The following PDCD2 variants were observed in gnomAD, a reference collection of about 807,000 sequenced individuals.
PDCD2 encodes uS5 assembly chaperone PDCD2.
In PDCD2, 38 loss-of-function variants were observed where a neutral mutation model predicts 38.1. The observed-to-expected ratio is 1.00, with a 90% CI of 0.77 to 1.31. The LOEUF is 1.31. Among genes scored for constraint, PDCD2 ranks in the 50% most tolerant of loss-of-function variants. The pLI, the probability that PDCD2 is intolerant of heterozygous loss-of-function variation, is 0.00. For missense variants in PDCD2, 473 were observed against 435.7 expected (o/e 1.09, Z -0.76); for synonymous variants, 205 against 168.9 (o/e 1.21, Z -1.66).
At chr6:170,578,472 A>G (rs1337661860) in intron 5 of PDCD2, 1 of 602,118 alleles carries the variant, frequency 1.7e-6, no homozygotes, top group African/African-American at 1.9e-5. Flanking sequence ...AACAGTAAAG[A>G]CTCCTCTCAT....
rs760583517 is a variant in PDCD2 at position 170,583,063 on chromosome 6, T to C, written c.652A>G (p.Ser218Gly). 6.2e-7 allele frequency: 1 copy of C among 1,611,806 alleles called. No homozygotes were observed. Among genetic ancestry groups the C allele is most frequent in the Non-Finnish European group, 8.5e-7 (1 of 1,179,000 alleles). Residue 218 changes from serine (S) to glycine (G), a missense_variant, in exon 3 of 6, where the codon AGC (serine) becomes GGC (glycine). Physicochemically the swap from Ser to Gly is moderately conservative, Grantham distance 56. Coordinates refer to ENST00000541970, the MANE Select transcript of PDCD2 (RefSeq NM_002598.4). Reference sequence around the variant, plus strand: ...AAGTCCTGAAACTGCTTACCCATGCTCCCTATAATCTCTGAGTAATCTTCC... The same window carrying C: ...AAGTCCTGAAACTGCTTACCCATGCCCCCTATAATCTCTGAGTAATCTTCC... ...EKEDYSEIIG[S>G]MGEALEEELD...
At chr6:170,582,391 G>C in intron 3 of PDCD2, 1 of 1,511,522 alleles carries the variant, frequency 6.6e-7, no homozygotes, top group Non-Finnish European at 8.8e-7. Context: ...TAATTTTGTG[G>C]TGGTTTTGTG....
At chr6:170,579,263 G>T in intron 4 of PDCD2, 1 of 290,236 alleles carries the variant, frequency 3.4e-6, no homozygotes, top group South Asian at 8.2e-5. Flanking sequence ...TATTGTGAAG[G>T]GACTAAGAAT....
chr6:170,582,061 T>C, intron 3 of PDCD2: 1 of 1,468,404 alleles, frequency 6.8e-7, no homozygotes, highest in Non-Finnish European at 9.0e-7. Flanking sequence ...ATAAGCATTT[T>C]CATTATGTAT....
intron 4 of PDCD2, 104 bp downstream of exon 4, chr6:170,579,898 C>T (rs1007308403): frequency 1.0e-5 from 7 of 686,104 alleles, no homozygotes; most frequent in South Asian, 5.2e-5. Flanking sequence ...TTTATAGGCT[C>T]CTAAGGAACA....
chr6:170,582,647 C>T (rs1779647415), intron 3 of PDCD2: 4 of 1,222,678 alleles, frequency 3.3e-6, no homozygotes, highest in Non-Finnish European at 4.1e-6. Flanking sequence ...AGAGTATGCA[C>T]TGTAAGTAAA....
Position 170,578,985 on chromosome 6 carries a change from G to C in PDCD2, c.763-15C>G, listed in dbSNP as rs756459083. Reference sequence around the variant, plus strand: ...TATCTAAGAATCTAAAATCAATGAAGATCATGTTCAAATAATCAATACCTT... The same window carrying C: ...TATCTAAGAATCTAAAATCAATGAACATCATGTTCAAATAATCAATACCTT... On this transcript the variant is annotated splice_polypyrimidine_tract_variant and intron_variant, in intron 4 of 5. Coordinates refer to ENST00000541970, the MANE Select transcript of PDCD2 (RefSeq NM_002598.4). 4.8e-6 allele frequency: 7 copies of C among 1,462,106 alleles called. No homozygotes were observed. The highest frequency in any genetic ancestry group is 6.6e-6 in the Non-Finnish European group (7 of 1,060,640). The allele number at this position is 1,462,106 out of a possible 1,614,324, so 90.6% of individuals were successfully genotyped here.
intron 3 of PDCD2, chr6:170,582,434 A>G (rs1165057437): frequency 6.9e-7 from 1 of 1,442,832 alleles, no homozygotes; most frequent in Non-Finnish European, 9.1e-7. Flanking sequence ...AAAATTTAAT[A>G]TTATGTGACC....
At chr6:170,582,629 A>G in intron 3 of PDCD2, 2 of 1,257,246 alleles carry the variant, frequency 1.6e-6, no homozygotes, top group Admixed American at 7.7e-5. Flanking sequence ...CAGCACAAGT[A>G]CTACCCAAGA....
In PDCD2 at chr6:170,576,804, T is replaced by C. The variant is rs1779461128; in HGVS notation, c.*755A>G. ...CCATCGCCTTTTGCCTTTCAGTGTC[T>C]CATCTGTAAGCAGGGCCGCTGGCTG... is the stretch of plus-strand genomic sequence containing the variant. On this transcript the variant is annotated 3_prime_UTR_variant, in exon 6 of 6. Coordinates refer to ENST00000541970, the MANE Select transcript of PDCD2 (RefSeq NM_002598.4). 1.3e-5 allele frequency: 2 copies of C among 152,238 alleles called. No individual in the cohort carries two copies. The highest frequency in any genetic ancestry group is 1.3e-4 in the Admixed American group (2 of 15,282). 9.4% of individuals were successfully genotyped at this position (152,238 alleles called of 1,614,324 possible). A position where few individuals can be genotyped will look rare whatever the true frequency, so the allele number is the denominator to read the frequency against.
intron 5 of PDCD2, 131 bp downstream of exon 5, chr6:170,578,726 G>A: frequency 4.1e-6 from 3 of 728,622 alleles, no homozygotes; most frequent in East Asian, 2.6e-5. Flanking sequence ...GGAAACTGAT[G>A]ATTTTCATTA....
chr6:170,584,452 GCAGCCCGGCCGCGCCCAGC>G lies in PDCD2; in HGVS notation c.111_129del (p.Trp37CysfsTer99). 2 of 1,313,798 alleles carry G rather than the reference GCAGCCCGGCCGCGCCCAGC, an allele frequency of 1.5e-6. No individual in the cohort carries two copies. The highest frequency in any genetic ancestry group is 1.9e-6 in the Non-Finnish European group (2 of 1,038,222). 81.4% of individuals were successfully genotyped at this position (1,313,798 alleles called of 1,614,324 possible). Reference sequence around the variant, plus strand: ...TCGCAGGCCAGGGCCTGGGGCCCCGGCAGCCCGGCCGCGCCCAGCCATGCCGGCCGCCCGCCCACCTTGC... The same window carrying G: ...TCGCAGGCCAGGGCCTGGGGCCCCGGCATGCCGGCCGCCCGCCCACCTTGC... On this transcript the variant is annotated frameshift_variant, in exon 1 of 6. Transcript: ENST00000541970. LOFTEE classifies it high-confidence loss of function.
intron 5 of PDCD2, 114 bp downstream of exon 5, chr6:170,578,743 A>T: frequency 1.3e-6 from 1 of 750,424 alleles, no homozygotes; most frequent in South Asian, 1.4e-5. Context: ...ATTATAGGGT[A>T]CCCTTCCATA....
chr6:170,584,171 G>T, intron 1 of PDCD2, 128 bp downstream of exon 1: 1 of 1,051,924 alleles, frequency 9.5e-7, no homozygotes, highest in Non-Finnish European at 1.2e-6. Flanking sequence ...TCCTGGGGCA[G>T]CGCGGAGAGG....
rs757120048 is a variant in PDCD2 at position 170,579,958 on chromosome 6, T to G, written c.762+44A>C. The stretch of plus-strand genomic sequence containing the variant: ...TCTTACAGATTATACTCATAAAACA[T>G]GGCCTGAAGAGAACACGATGAGGAG... On this transcript the variant is annotated intron_variant, in intron 4 of 5. Transcript: ENST00000541970. 9.4e-6 allele frequency: 9 copies of G among 959,196 alleles called. No individual in the cohort carries two copies. In the African/African-American group the frequency reaches 1.4e-4, roughly 15 times the overall value. The allele number at this position is 959,196 out of a possible 1,614,324, so 59.4% of individuals were successfully genotyped here.
chr6:170,580,638 CTG>C (rs1257087380), intron 3 of PDCD2, among the ~76,000 whole-genome samples: 2 of 152,090 alleles, frequency 1.3e-5, no homozygotes, highest in Non-Finnish European at 2.9e-5. Flanking sequence ...TCACTTGAAC[CTG>C]GGAGGCAGAG....
chr6:170,581,095 TATTCA>T (rs777314659), intron 3 of PDCD2: 2 of 152,212 alleles, frequency 1.3e-5, no homozygotes, highest in Non-Finnish European at 2.9e-5. Flanking sequence ...AGCATTTTTC[TATTCA>T]ATTCTCCTTT....
At chr6:170,582,712 C>G (rs1188518281) in intron 3 of PDCD2, 8 of 1,222,872 alleles carry the variant, frequency 6.5e-6, no homozygotes, top group Non-Finnish European at 8.2e-6. Flanking sequence ...TTTTAAGGGG[C>G]CCTTCTGCGT....
At chr6:170,581,486 G>A (rs542986021) in intron 3 of PDCD2, 1 of 152,228 alleles carries the variant, frequency 6.6e-6, no homozygotes, top group African/African-American at 2.4e-5. Flanking sequence ...CTTGAGTTCT[G>A]ACATGGCCCT....
Sources: gnomAD v4.1 joint callset for allele counts (sites outside exome capture counted in the v4.1 genomes callset) on GRCh38, gnomAD v4.1.1 for gene constraint, MANE v1.5 for transcripts, NCBI Gene and HGNC (gene_info 2026-07-23, HGNC 2026-07-21) for gene names.